LRPPRC: variants seen among roughly 807,000 people sequenced by gnomAD.
LRPPRC encodes leucine rich pentatricopeptide repeat containing.
LRPPRC carries 120 observed loss-of-function variants against 180.3 expected under a neutral mutation model. That is an observed-to-expected ratio of 0.67 (90% CI 0.57 to 0.77). LRPPRC has a LOEUF of 0.77. Among genes scored for constraint, LRPPRC ranks in the 30% least tolerant of loss-of-function variants. The pLI is 0.00. For synonymous variants in LRPPRC, 723 were observed against 600.0 expected, an observed-to-expected ratio of 1.21 and a Z score of -3.00; for missense variants, 2,012 against 1,657.2, an observed-to-expected ratio of 1.21 and a Z score of -3.72.
At chr2:43,937,673 A>C (rs1029234493) in intron 23 of LRPPRC, among the ~76,000 whole-genome samples, 2 of 152,210 alleles carry the variant, frequency 1.3e-5, no homozygotes, top group Admixed American at 1.3e-4. Flanking sequence ...GCAAATTATC[A>C]CAACAGCTGA....
intron 7 of LRPPRC, 134 bp downstream of exon 7, chr2:43,974,957 C>T (rs1673986536): frequency 1.0e-6 from 1 of 994,316 alleles, no homozygotes; most frequent in Admixed American, 2.0e-5. Flanking sequence ...TATAATAATT[C>T]TCCATAAATA....
chr2:43,995,814 G>A lies in LRPPRC; in HGVS notation c.134C>T (p.Ala45Val). Residue 45 changes from alanine to valine, a missense_variant, in exon 1 of 38, where the codon GCC becomes GTC. Transcript: ENST00000260665. ...HAASYLPAAR[A>V]GPVAGGLLSP... ...GGGCACTCACCCGGCCACGGGCCCG[G>A]CGCGAGCGGCGGGCAGATAGGAGGC... 2 of 1,407,156 alleles carry A rather than the reference G, an allele frequency of 1.4e-6. No individual in the cohort carries two copies. Among genetic ancestry groups the A allele is most frequent in the East Asian group, 2.9e-5 (1 of 34,530 alleles). 87.2% of individuals were successfully genotyped at this position (1,407,156 alleles called of 1,614,324 possible).
intron 35 of LRPPRC, among the ~76,000 whole-genome samples, chr2:43,895,678 G>GAA (rs1670652274): frequency 6.6e-6 from 1 of 152,174 alleles, no homozygotes; most frequent in African/African-American, 2.4e-5. Flanking sequence ...GGTATATCTA[G>GAA]GGGAAGGGTG....
chr2:43,908,252 T>A (rs946263178), intron 30 of LRPPRC, among the ~76,000 whole-genome samples: 2 of 152,182 alleles, frequency 1.3e-5, no homozygotes, highest in Admixed American at 1.3e-4. Flanking sequence ...AGAGTTTATA[T>A]CCCTTACTGC....
intron 1 of LRPPRC, among the ~76,000 whole-genome samples, chr2:43,993,795 G>A (rs1224914535): frequency 1.3e-5 from 2 of 151,264 alleles, no homozygotes; most frequent in African/African-American, 2.4e-5. Flanking sequence ...GGTGTGCCAC[G>A]AATAAATCTA....
intron 30 of LRPPRC, among the ~76,000 whole-genome samples, chr2:43,910,961 C>A (rs1281269173): frequency 1.3e-5 from 2 of 152,038 alleles, no homozygotes; most frequent in African/African-American, 4.8e-5. Context: ...ATTCTCAACA[C>A]AAAATGCTTC....
At chr2:43,973,502 A>G in intron 11 of LRPPRC, 105 bp downstream of exon 11, 1 of 775,958 alleles carries the variant, frequency 1.3e-6, no homozygotes, top group Non-Finnish European at 2.3e-6. Context: ...ATCTCATAAT[A>G]CTCAGGAATA....
At chr2:43,962,959 A>C (rs1447744152) in intron 12 of LRPPRC, among the ~76,000 whole-genome samples, 1 of 152,136 alleles carries the variant, frequency 6.6e-6, no homozygotes, top group Non-Finnish European at 1.5e-5. Flanking sequence ...AATAAAATAA[A>C]ACCTAATTTA....
intron 27 of LRPPRC, among the ~76,000 whole-genome samples, chr2:43,921,958 A>G (rs1000489486): frequency 1.3e-5 from 2 of 152,242 alleles, no homozygotes; most frequent in South Asian, 2.1e-4. Context: ...TACTATACAA[A>G]GAAACTAATT....
At chr2:43,965,051 G>C (rs1407961631) in intron 11 of LRPPRC, among the ~76,000 whole-genome samples, 1 of 152,170 alleles carries the variant, frequency 6.6e-6, no homozygotes, top group East Asian at 1.9e-4. Flanking sequence ...GCCCAAGCTG[G>C]AGTGCAGTGG....
chr2:43,940,106 G>C (rs1395671025), intron 23 of LRPPRC, among the ~76,000 whole-genome samples: 1 of 152,140 alleles, frequency 6.6e-6, no homozygotes, highest in Non-Finnish European at 1.5e-5. Context: ...AATGATCCTT[G>C]ACGAAAAATC....
intron 23 of LRPPRC, among the ~76,000 whole-genome samples, chr2:43,938,663 C>CTGAA (rs1672360457): frequency 6.6e-6 from 1 of 152,158 alleles, no homozygotes; most frequent in South Asian, 2.1e-4. Flanking sequence ...CATTCTGAAA[C>CTGAA]TGAAGTATGC....
At chr2:43,965,147 G>A (rs1233224803) in intron 11 of LRPPRC, among the ~76,000 whole-genome samples, 4 of 152,152 alleles carry the variant, frequency 2.6e-5, no homozygotes, top group African/African-American at 7.2e-5. Flanking sequence ...GATTAAAGGC[G>A]CACGTCACCA....
At chr2:43,900,282 T>C (rs1009431249) in intron 32 of LRPPRC, among the ~76,000 whole-genome samples, 5 of 152,172 alleles carry the variant, frequency 3.3e-5, no homozygotes, top group African/African-American at 1.2e-4. Flanking sequence ...TGACTATCTT[T>C]TTGGTTAAGG....
At position 43,977,305 on chromosome 2, in the gene LRPPRC, AG is replaced by A. The variant is rs201986117; in HGVS notation, c.470-30del. The A allele has an allele frequency of 9.6e-4, 1,509 of 1,576,854 alleles. 9 individuals carry two copies. The African/African-American group carries it at 0.018, about 19-fold the overall frequency. ...CAAATGAAATTTAAAATGAATTTTTAGAAAAGCATTGAAAATCCTATGCTTT... is the reference window on the plus strand; with the variant it reads ...CAAATGAAATTTAAAATGAATTTTTAAAAAGCATTGAAAATCCTATGCTTT... On this transcript the variant is annotated intron_variant, in intron 3 of 37. Coordinates refer to ENST00000260665, the MANE Select transcript of LRPPRC (RefSeq NM_133259.4).
In LRPPRC at chr2:43,934,300, G is replaced by A; in HGVS notation, c.2630-4C>T. 6.9e-7 allele frequency: 1 copy of A among 1,455,874 alleles called. No individual in the cohort carries two copies. Among genetic ancestry groups the A allele is most frequent in the Non-Finnish European group, 9.6e-7 (1 of 1,038,122 alleles). 90.2% of individuals were successfully genotyped at this position (1,455,874 alleles called of 1,614,324 possible). A position where few individuals can be genotyped will look rare whatever the true frequency, so the allele number is the denominator to read the frequency against. ...TCTTGGCTCACAAAGTCCATTGCTAGGTAGGAGAGAAAAAAATATATATAT... is the reference window on the plus strand; with the variant it reads ...TCTTGGCTCACAAAGTCCATTGCTAAGTAGGAGAGAAAAAAATATATATAT... On this transcript the variant is annotated splice_polypyrimidine_tract_variant and splice_region_variant and intron_variant, in intron 24 of 37. Coordinates refer to ENST00000260665, the MANE Select transcript of LRPPRC (RefSeq NM_133259.4).
intron 14 of LRPPRC, among the ~76,000 whole-genome samples, chr2:43,953,301 T>C (rs1270073827): frequency 6.6e-6 from 1 of 152,210 alleles, no homozygotes. Flanking sequence ...CATATTCTTA[T>C]GAAAAATGCC....
At chr2:43,912,268 G>GA (rs1671289269) in intron 30 of LRPPRC, among the ~76,000 whole-genome samples, 164 bp downstream of exon 30, 1 of 151,954 alleles carries the variant, frequency 6.6e-6, no homozygotes, top group Admixed American at 6.5e-5. Context: ...TTTTGAAGGT[G>GA]AAAAAACCTG....
Position 43,912,466 on chromosome 2 carries a change from C to A in LRPPRC, c.3241G>T (p.Asp1081Tyr). ...ACTTCCATTGCTTGTGTAAAATAAT[C>A]TTCTGACATCAGTAATTTAATGAGA... is the stretch of plus-strand genomic sequence containing the variant. ...SNLIKLLMSE[D>Y]YFTQAMEVKA... The change falls in exon 30 of 38, where the codon GAT becomes TAT. Residue 1081 changes from aspartate to tyrosine, a missense_variant. Asp to Tyr is a radical substitution (Grantham distance 160). Transcript: ENST00000260665. The A allele has an allele frequency of 6.2e-7, 1 of 1,606,348 alleles. No homozygotes were observed.
Sources: allele counts gnomAD v4.1 joint callset (sites outside exome capture counted in the v4.1 genomes callset), GRCh38; gene constraint gnomAD v4.1.1; transcripts MANE v1.5; gene names NCBI Gene and HGNC (gene_info 2026-07-23, HGNC 2026-07-21).